ARHGAP42: variants seen among roughly 807,000 people sequenced by gnomAD.
ARHGAP42 encodes Rho GTPase activating protein 42.
ARHGAP42 carries 63 observed loss-of-function variants against 125.0 expected under a neutral mutation model. The ratio of observed to expected loss-of-function variants is 0.50; its 90% CI spans 0.41 to 0.62. The LOEUF (loss-of-function observed/expected upper bound fraction) is 0.62. ARHGAP42 is among the 20% of genes least tolerant of loss of function. The pLI, the probability that ARHGAP42 is intolerant of heterozygous loss-of-function variation, is 0.00. For synonymous variants in ARHGAP42, 339 were observed against 351.0 expected (o/e 0.97, Z 0.38); for missense variants, 766 against 1,024.2 (o/e 0.75, Z 3.44).
chr11:100,696,056 TC>T (rs1396389495), intron 1 of ARHGAP42, among the ~76,000 whole-genome samples: 4 of 152,252 alleles, frequency 2.6e-5, no homozygotes, highest in African/African-American at 9.6e-5. Flanking sequence ...AAACCCCATC[TC>T]TACAAAGTAT....
chr11:100,902,753 G>T (rs921051002), intron 4 of ARHGAP42, among the ~76,000 whole-genome samples: 1 of 152,080 alleles, frequency 6.6e-6, no homozygotes. Context: ...GGGCACATTG[G>T]CTCCTTCCAT....
At chr11:100,955,236 GA>G (rs1350574780) in intron 12 of ARHGAP42, among the ~76,000 whole-genome samples, 35 of 99,196 alleles carry the variant, frequency 3.5e-4, no homozygotes, top group African/African-American at 9.8e-4. Context: ...TACAGAGGGG[GA>G]AAAAAAAAGG....
At chr11:100,888,016 CTT>C (rs1407816737) in intron 4 of ARHGAP42, among the ~76,000 whole-genome samples, 2 of 152,156 alleles carry the variant, frequency 1.3e-5, no homozygotes, top group African/African-American at 4.8e-5. Flanking sequence ...TAAGAATGCT[CTT>C]TGTTACCTGC....
intron 4 of ARHGAP42, among the ~76,000 whole-genome samples, chr11:100,866,380 T>C (rs523052): frequency 0.054 from 8,277 of 152,290 alleles, 794 homozygotes; most frequent in African/African-American, 0.19. Context: ...TTCTAGAATG[T>C]TGAATCCTTT....
chr11:100,775,386 CA>C (rs144398409), intron 2 of ARHGAP42, among the ~76,000 whole-genome samples: 43,273 of 151,848 alleles, frequency 0.28, 6,412 homozygotes, highest in Non-Finnish European at 0.32. Flanking sequence ...AGACCAAATA[CA>C]AAAAGGTACC....
intron 6 of ARHGAP42, among the ~76,000 whole-genome samples, chr11:100,926,473 AG>A (rs1225815146): frequency 6.6e-6 from 1 of 152,194 alleles, no homozygotes; most frequent in African/African-American, 2.4e-5. Flanking sequence ...AAAATTATAT[AG>A]TGTAGTTATA....
At chr11:100,774,050 A>C (rs1863048542) in intron 2 of ARHGAP42, among the ~76,000 whole-genome samples, 1 of 152,260 alleles carries the variant, frequency 6.6e-6, no homozygotes, top group African/African-American at 2.4e-5. Context: ...GTAAAAATAT[A>C]GATATGTTTC....
intron 3 of ARHGAP42, among the ~76,000 whole-genome samples, chr11:100,825,074 T>G (rs911556963): frequency 1.3e-5 from 2 of 152,188 alleles, no homozygotes; most frequent in African/African-American, 4.8e-5. Context: ...GCAATGGAAG[T>G]GCTTGTTAGA....
chr11:100,937,554 C>T (rs939793757), intron 8 of ARHGAP42, among the ~76,000 whole-genome samples: 40 of 152,080 alleles, frequency 2.6e-4, no homozygotes, highest in African/African-American at 9.4e-4. Context: ...ACATTTTCTA[C>T]CAATAAAATA....
chr11:100,934,975 G>A (rs992173138), intron 7 of ARHGAP42, among the ~76,000 whole-genome samples: 9 of 151,948 alleles, frequency 5.9e-5, no homozygotes, highest in Non-Finnish European at 8.8e-5. Flanking sequence ...AAAAGCTGAC[G>A]TATTTTTATG....
intron 2 of ARHGAP42, among the ~76,000 whole-genome samples, chr11:100,790,948 G>A (rs951993063): frequency 2.6e-5 from 4 of 152,132 alleles, no homozygotes; most frequent in Non-Finnish European, 5.9e-5. Flanking sequence ...TGATAATTGA[G>A]TATTAGAAAT....
At chr11:100,826,701 G>A (rs1231076705) in intron 3 of ARHGAP42, among the ~76,000 whole-genome samples, 1 of 152,090 alleles carries the variant, frequency 6.6e-6, no homozygotes, top group Non-Finnish European at 1.5e-5. Context: ...TTCCCACCTT[G>A]TAAATTTGGG....
chr11:100,743,612 C>T lies in ARHGAP42; in HGVS notation c.155-26731C>T, dbSNP rs559778203. On this transcript the variant is annotated intron_variant, in intron 1 of 23. Transcript: ENST00000298815. ...GTTTCTTGGATTTGGATGCCTAGAT[C>T]TCAGACAAGGCTAGGGAAGTTTTCC... 1.3e-3 allele frequency among the ~76,000 whole-genome samples: 194 copies of T among 152,272 alleles called. 1 individual carries two copies. In the South Asian group the frequency reaches 0.039, roughly 30 times the overall value.
intron 4 of ARHGAP42, among the ~76,000 whole-genome samples, chr11:100,883,192 G>A (rs566827894): frequency 1.6e-4 from 24 of 152,064 alleles, no homozygotes; most frequent in Non-Finnish European, 3.4e-4. Context: ...TCAACACACA[G>A]CCTCAAGCTG....
At chr11:100,899,250 CT>C (rs1866457079) in intron 4 of ARHGAP42, among the ~76,000 whole-genome samples, 1 of 152,124 alleles carries the variant, frequency 6.6e-6, no homozygotes, top group Admixed American at 6.6e-5. Flanking sequence ...CTGAGGAGTG[CT>C]TTACTTCCAA....
chr11:100,722,004 C>T (rs1250491646), intron 1 of ARHGAP42, among the ~76,000 whole-genome samples: 1 of 152,078 alleles, frequency 6.6e-6, no homozygotes, highest in Non-Finnish European at 1.5e-5. Flanking sequence ...GTATGTTTAG[C>T]TTTGTAAGAA....
At chr11:100,733,616 G>T (rs1386658391) in intron 1 of ARHGAP42, among the ~76,000 whole-genome samples, 1 of 151,962 alleles carries the variant, frequency 6.6e-6, no homozygotes, top group East Asian at 2.0e-4. Flanking sequence ...CTGAGGTCAG[G>T]AGTTTGAGAC....
chr11:100,723,334 T>C (rs888334909), intron 1 of ARHGAP42, among the ~76,000 whole-genome samples: 1 of 152,210 alleles, frequency 6.6e-6, no homozygotes, highest in African/African-American at 2.4e-5. Flanking sequence ...GGGATTTTGA[T>C]TGGGATTGCA....
intron 3 of ARHGAP42, among the ~76,000 whole-genome samples, chr11:100,798,026 G>C (rs1863764266): frequency 6.6e-6 from 1 of 152,182 alleles, no homozygotes; most frequent in Non-Finnish European, 1.5e-5. Context: ...GAAGATTTAA[G>C]AGAACTAGAA....
Sources: allele counts gnomAD v4.1 joint callset (sites outside exome capture counted in the v4.1 genomes callset), GRCh38; gene constraint gnomAD v4.1.1; transcripts MANE v1.5; gene names NCBI Gene and HGNC (gene_info 2026-07-23, HGNC 2026-07-21).